RGS6: variants seen among roughly 807,000 people sequenced by gnomAD.
RGS6 encodes regulator of G protein signaling 6, also known as regulator of G-protein signaling 6.
A neutral mutation model predicts 78.5 loss-of-function variants in RGS6; 30 were observed. That is an observed-to-expected ratio of 0.38 (90% CI 0.29 to 0.52). The LOEUF (loss-of-function observed/expected upper bound fraction) is 0.52. RGS6 is among the 20% of genes least tolerant of loss of function. The pLI, the probability that RGS6 is intolerant of heterozygous loss-of-function variation, is 0.85. For synonymous variants in RGS6, 206 were observed against 206.0 expected (o/e 1.00, Z 0.00); for missense variants, 495 against 609.7 (o/e 0.81, Z 1.98).
At chr14:72,495,927 A>G (rs1001006755) in intron 13 of RGS6, among the ~76,000 whole-genome samples, 5 of 152,180 alleles carry the variant, frequency 3.3e-5, no homozygotes, top group Admixed American at 2.6e-4. Context: ...TTTCAGAATT[A>G]CAGAAGGAAA....
chr14:72,148,699 C>T (rs1186206080), intron 2 of RGS6, among the ~76,000 whole-genome samples: 1 of 152,162 alleles, frequency 6.6e-6, no homozygotes, highest in Non-Finnish European at 1.5e-5. Context: ...CCCTAGATTT[C>T]TAGCCTGCTG....
Position 72,173,574 on chromosome 14 carries a change from C to T in RGS6, c.85-178521C>T, listed in dbSNP as rs79050912. On this transcript the variant is annotated intron_variant, in intron 2 of 17. Transcript: ENST00000553525. Reference sequence around the variant, plus strand: ...GGGAGACAGCTGTCATGACACAACACGTTTTTCCCATGACACACATTTCTT... The same window carrying T: ...GGGAGACAGCTGTCATGACACAACATGTTTTTCCCATGACACACATTTCTT... Among the ~76,000 whole-genome samples the T allele has an allele frequency of 9.8e-3, 1,493 of 152,278 alleles. 24 individuals carry two copies. The highest frequency in any genetic ancestry group is 0.034 in the African/African-American group (1,407 of 41,556).
the RGS6 span, among the ~76,000 whole-genome samples, chr14:72,572,323 G>A: frequency 6.6e-6 from 1 of 152,088 alleles, no homozygotes; most frequent in Non-Finnish European, 1.5e-5. Flanking sequence ...AAAACATACA[G>A]CCATACAAAA....
intron 2 of RGS6, among the ~76,000 whole-genome samples, chr14:72,152,498 T>A (rs758544): frequency 0.068 from 10,349 of 152,226 alleles, 409 homozygotes; most frequent in Non-Finnish European, 0.098. Context: ...ACCACTTGGT[T>A]CAGCTCTGTA....
chr14:72,118,970 T>G (rs1439784159), intron 2 of RGS6, among the ~76,000 whole-genome samples: 1 of 152,214 alleles, frequency 6.6e-6, no homozygotes, highest in African/African-American at 2.4e-5. Flanking sequence ...CCAAAAGACA[T>G]TAGTCCATTC....
At chr14:72,349,636 C>T (rs367604881) in intron 2 of RGS6, among the ~76,000 whole-genome samples, 139 of 152,168 alleles carry the variant, frequency 9.1e-4, no homozygotes, top group African/African-American at 3.2e-3. Flanking sequence ...AGCTGTAACC[C>T]CTGATGAGTG....
the RGS6 span, among the ~76,000 whole-genome samples, chr14:71,912,266 T>C: frequency 6.6e-6 from 1 of 152,198 alleles, no homozygotes; most frequent in Non-Finnish European, 1.5e-5. Context: ...ATGGGGCATA[T>C]CCAATGTCCT....
At chr14:72,474,540 G>A in intron 9 of RGS6, 85 bp from the exon 10 acceptor site, 1 of 1,230,872 alleles carries the variant, frequency 8.1e-7, no homozygotes, top group East Asian at 2.4e-5. Flanking sequence ...AAAAGATAAA[G>A]ATTGGTCCTG....
chr14:72,370,652 C>T (rs1485218558), intron 3 of RGS6, among the ~76,000 whole-genome samples: 1 of 152,108 alleles, frequency 6.6e-6, no homozygotes, highest in East Asian at 1.9e-4. Flanking sequence ...TTACTGTTTA[C>T]CTCTAAGGGG....
chr14:72,513,114 T>C (rs771086830), intron 14 of RGS6, among the ~76,000 whole-genome samples: 20 of 152,174 alleles, frequency 1.3e-4, no homozygotes, highest in Non-Finnish European at 2.9e-4. Context: ...CCTGGGTAAA[T>C]TACAAAGTGC....
At chr14:72,570,956 T>C (rs113059241), downstream of RGS6, among the ~76,000 whole-genome samples, 2,807 of 152,338 alleles carry the variant, frequency 0.018, 48 homozygotes, top group Admixed American at 0.046. Flanking sequence ...TGATAATCTT[T>C]GGGAATTTCA....
At chr14:72,231,814 G>A (rs1340126323) in intron 2 of RGS6, among the ~76,000 whole-genome samples, 1 of 152,100 alleles carries the variant, frequency 6.6e-6, no homozygotes, top group Non-Finnish European at 1.5e-5. Flanking sequence ...GAGGCTGGAG[G>A]CTGCTTCTCC....
intron 3 of RGS6, among the ~76,000 whole-genome samples, chr14:72,409,748 G>A (rs2093253621): frequency 6.6e-6 from 1 of 151,950 alleles, no homozygotes; most frequent in Non-Finnish European, 1.5e-5. Context: ...GGTGTGTGAT[G>A]TTCCCCTTCC....
chr14:72,410,469 C>G (rs1230128193), intron 3 of RGS6, among the ~76,000 whole-genome samples: 2 of 152,096 alleles, frequency 1.3e-5, no homozygotes, highest in African/African-American at 2.4e-5. Context: ...TGGATATTAG[C>G]CCTTTGTCAG....
chr14:71,871,768 C>T, the RGS6 span, among the ~76,000 whole-genome samples: 2 of 152,150 alleles, frequency 1.3e-5, no homozygotes, highest in Admixed American at 6.5e-5. Flanking sequence ...ATTACCCTGA[C>T]CAAGATCTTC....
At chr14:71,947,676 G>T (rs56743778) in intron 1 of RGS6, among the ~76,000 whole-genome samples, 23,208 of 152,096 alleles carry the variant, frequency 0.15, 1,883 homozygotes, top group Admixed American at 0.2. Context: ...TAGAGACAGG[G>T]TTTCATCATA....
At chr14:72,198,185 AC>A (rs2040641146) in intron 2 of RGS6, among the ~76,000 whole-genome samples, 1 of 151,856 alleles carries the variant, frequency 6.6e-6, no homozygotes, top group Non-Finnish European at 1.5e-5. Flanking sequence ...ACATGGCGAA[AC>A]CCCATCTCTA....
At chr14:72,279,549 C>G (rs1004569761) in intron 2 of RGS6, among the ~76,000 whole-genome samples, 4 of 152,106 alleles carry the variant, frequency 2.6e-5, no homozygotes, top group African/African-American at 4.8e-5. Flanking sequence ...TGAGTCCAGC[C>G]ACGTTGACAT....
At chr14:72,507,426 C>T (rs1361341076) in intron 13 of RGS6, among the ~76,000 whole-genome samples, 2 of 152,192 alleles carry the variant, frequency 1.3e-5, no homozygotes, top group Non-Finnish European at 1.5e-5. Context: ...TTAAGCCACC[C>T]AGTTTGTTAG....
Sources: allele counts gnomAD v4.1 joint callset (sites outside exome capture counted in the v4.1 genomes callset), GRCh38; gene constraint gnomAD v4.1.1; transcripts MANE v1.5; gene names NCBI Gene and HGNC (gene_info 2026-07-23, HGNC 2026-07-21).